RANBP2: variants seen among roughly 807,000 people sequenced by gnomAD.
The protein encoded by RANBP2 is RAN binding protein 2.
A neutral mutation model predicts 303.6 loss-of-function variants in RANBP2; 57 were observed. The ratio of observed to expected loss-of-function variants is 0.19; its 90% confidence interval spans 0.15 to 0.23. The LOEUF (loss-of-function observed/expected upper bound fraction) is 0.23, where lower values mean the gene tolerates loss of function less well. Ranked by LOEUF, RANBP2 falls within the 10% of genes least tolerant of loss-of-function variation. The probability of loss-of-function intolerance (pLI) is 1.00; values close to 1 mark genes in which losing one functional copy is unlikely to be tolerated. For synonymous variants in RANBP2, 1,167 were observed against 1,301.5 expected (o/e 0.90, Z 2.23); for missense variants, 3,138 against 3,780.8 (o/e 0.83, Z 4.46).
At chr2:109,336,366 C>T in the RANBP2 span, among the ~76,000 whole-genome samples, 1 of 152,202 alleles carries the variant, frequency 6.6e-6, no homozygotes, top group Non-Finnish European at 1.5e-5. Context: ...AGGAATTTCT[C>T]ACAGATAGAA....
At chr2:109,550,923 T>TG in the RANBP2 span, among the ~76,000 whole-genome samples, 2 of 152,176 alleles carry the variant, frequency 1.3e-5, no homozygotes, top group Non-Finnish European at 2.9e-5. Flanking sequence ...AAATGTTAAA[T>TG]GAAAAAATTA....
the RANBP2 span, among the ~76,000 whole-genome samples, chr2:109,650,172 G>C: frequency 6.6e-6 from 1 of 152,194 alleles, no homozygotes; most frequent in East Asian, 1.9e-4. Context: ...ATCATCATAC[G>C]TTCTGGTGAG....
chr2:109,142,579 G>C, the RANBP2 span, among the ~76,000 whole-genome samples: 1 of 152,150 alleles, frequency 6.6e-6, no homozygotes, highest in Admixed American at 6.5e-5. Context: ...TGAGGGAGGA[G>C]GATTCTAGTC....
chr2:109,500,221 GTT>G, the RANBP2 span, among the ~76,000 whole-genome samples: 1 of 152,160 alleles, frequency 6.6e-6, no homozygotes. Flanking sequence ...TGTTCAAGTT[GTT>G]ATAGGCAGAG....
intron 8 of RANBP2, among the ~76,000 whole-genome samples, chr2:108,748,395 G>A (rs1240152921): frequency 2.7e-5 from 2 of 74,526 alleles, no homozygotes; most frequent in Non-Finnish European, 5.6e-5. Flanking sequence ...TTTTTTTTTT[G>A]TATTTTTAGT....
chr2:109,347,994 T>C, the RANBP2 span: 4 of 1,554,590 alleles, frequency 2.6e-6, no homozygotes, highest in Non-Finnish European at 3.5e-6. Context: ...ATGCAGCCTC[T>C]GTGCCACCCA....
intron 25 of RANBP2, among the ~76,000 whole-genome samples, chr2:108,779,050 C>A (rs1441699008): frequency 6.6e-6 from 1 of 151,790 alleles, no homozygotes; most frequent in South Asian, 2.1e-4. Context: ...ATTTTTGAGC[C>A]CCCAAGTTGG....
chr2:108,946,313 G>A, the RANBP2 span, among the ~76,000 whole-genome samples: 225 of 152,314 alleles, frequency 1.5e-3, no homozygotes, highest in African/African-American at 5.4e-3. Flanking sequence ...TAGCACCTGG[G>A]ACAACACATA....
the RANBP2 span, among the ~76,000 whole-genome samples, chr2:109,651,677 C>T: frequency 6.6e-6 from 1 of 152,120 alleles, no homozygotes; most frequent in South Asian, 2.1e-4. Context: ...ATGATTTGAG[C>T]GGTTGGCTGG....
At chr2:108,912,926 C>A in the RANBP2 span, among the ~76,000 whole-genome samples, 1 of 151,794 alleles carries the variant, frequency 6.6e-6, no homozygotes, top group East Asian at 1.9e-4. Flanking sequence ...TTAATGAACC[C>A]TAAAGAGTCA....
At chr2:108,808,805 A>T in the RANBP2 span, among the ~76,000 whole-genome samples, 443 of 152,028 alleles carry the variant, frequency 2.9e-3, 2 homozygotes, top group Non-Finnish European at 4.5e-3. Context: ...AGGTTGTATC[A>T]TTATTCTTTT....
At chr2:109,150,210 C>T in the RANBP2 span, among the ~76,000 whole-genome samples, 1,217 of 152,054 alleles carry the variant, frequency 8.0e-3, 16 homozygotes, top group African/African-American at 0.028. Flanking sequence ...TGGACATGGC[C>T]AGGTAAAGAG....
At chr2:109,279,865 G>C in the RANBP2 span, among the ~76,000 whole-genome samples, 1 of 152,202 alleles carries the variant, frequency 6.6e-6, no homozygotes, top group South Asian at 2.1e-4. Context: ...GCGAGGCTTA[G>C]GGTATGGGCC....
chr2:108,763,767 G>T lies in RANBP2; in HGVS notation c.3228G>T (p.Leu1076Phe). The change falls in exon 20 of 29, where the codon TTG (leucine) becomes TTT (phenylalanine). Residue 1076 changes from leucine to phenylalanine, a missense_variant. Coordinates refer to ENST00000283195, the MANE Select transcript of RANBP2 (RefSeq NM_006267.5). ...LLGLLTSDKP[L>F]QGDGYSGAKP... is the part of the protein sequence containing the mutation. ...GTCTCCTGACTTCAGATAAACCCTT[G>T]CAAGGAGATGGCTATAGTGGAGCCA... 6.2e-7 allele frequency: 1 copy of T among 1,614,084 alleles called. No homozygotes were observed. The highest frequency in any genetic ancestry group is 8.5e-7 in the Non-Finnish European group (1 of 1,179,964).
At chr2:109,646,232 C>G in the RANBP2 span, among the ~76,000 whole-genome samples, 1 of 152,116 alleles carries the variant, frequency 6.6e-6, no homozygotes, top group Non-Finnish European at 1.5e-5. Flanking sequence ...TGGCTTCAGA[C>G]TAGGACCAGG....
At chr2:108,913,750 A>T in the RANBP2 span, among the ~76,000 whole-genome samples, 2 of 152,090 alleles carry the variant, frequency 1.3e-5, no homozygotes, top group Non-Finnish European at 1.5e-5. Flanking sequence ...GGAGATCAAG[A>T]TCATCCTGGC....
At chr2:109,047,136 TCCTGC>T in the RANBP2 span, among the ~76,000 whole-genome samples, 2 of 150,756 alleles carry the variant, frequency 1.3e-5, no homozygotes, top group Non-Finnish European at 2.9e-5. Context: ...AATCCTTGCT[TCCTGC>T]CCTATGCCAC....
the RANBP2 span, among the ~76,000 whole-genome samples, chr2:109,147,230 C>T: frequency 5.3e-5 from 8 of 152,214 alleles, no homozygotes; most frequent in East Asian, 7.7e-4. Flanking sequence ...TACAGCTGTC[C>T]GCTGCTGCTG....
chr2:109,009,891 G>C, the RANBP2 span, among the ~76,000 whole-genome samples: 28 of 151,854 alleles, frequency 1.8e-4, no homozygotes, highest in East Asian at 5.8e-4. Flanking sequence ...TTCATAATTG[G>C]GATCACACTA....
Sources: gnomAD v4.1 joint callset for allele counts (sites outside exome capture counted in the v4.1 genomes callset) on GRCh38, gnomAD v4.1.1 for gene constraint, MANE v1.5 for transcripts, NCBI Gene and HGNC (gene_info 2026-07-23, HGNC 2026-07-21) for gene names.